The following VPS13A variants were observed in gnomAD, a reference collection of about 807,000 sequenced individuals.
VPS13A encodes the protein intermembrane lipid transfer protein VPS13A.
In VPS13A, 264 loss-of-function variants were observed where a neutral mutation model predicts 390.9. The ratio of observed to expected loss-of-function variants is 0.68; its 90% CI spans 0.61 to 0.75. VPS13A has a LOEUF of 0.75. VPS13A is among the 30% of genes least tolerant of loss of function. The pLI, the probability that VPS13A is intolerant of heterozygous loss-of-function variation, is 0.00. For synonymous variants in VPS13A, 1,231 were observed against 1,227.1 expected, an observed-to-expected ratio of 1.00 and a Z score of -0.07; for missense variants, 3,409 against 3,733.9, an observed-to-expected ratio of 0.91 and a Z score of 2.27.
At chr9:77,367,958 G>T in intron 61 of VPS13A, 97 bp from the exon 62 acceptor site, 2 of 1,153,916 alleles carry the variant, frequency 1.7e-6, no homozygotes, top group Non-Finnish European at 2.5e-6. Flanking sequence ...GGAAAGGTTT[G>T]GAGAAAAGAT....
intron 67 of VPS13A, among the ~76,000 whole-genome samples, chr9:77,371,922 A>G (rs1298585184): frequency 7.1e-6 from 1 of 141,486 alleles, no homozygotes; most frequent in Non-Finnish European, 1.5e-5. Context: ...TGTTCTTGCG[A>G]TAGTTTACTG....
intron 52 of VPS13A, among the ~76,000 whole-genome samples, chr9:77,347,673 A>G (rs1039786032): frequency 2.8e-4 from 43 of 152,080 alleles, no homozygotes; most frequent in African/African-American, 7.2e-4. Context: ...CTATCTCTAT[A>G]TATCTAGTCT....
rs1825709188 is a variant in VPS13A at position 77,207,238 on chromosome 9, TA to T, written c.385+1160del. ...TTATATATATATATATATATATATA[TA>T]TATATATATATATAAAACGTGTTAT... On this transcript the variant is annotated intron_variant, in intron 5 of 71. Coordinates refer to ENST00000360280, the MANE Select transcript of VPS13A (RefSeq NM_033305.3). Among the ~76,000 whole-genome samples, 2 of 81,420 alleles carry T rather than the reference TA, an allele frequency of 2.5e-5. 1 individual carries two copies. Among genetic ancestry groups the T allele is most frequent in the African/African-American group, 7.1e-5 (2 of 28,072 alleles). The allele number at this position is 81,420 out of a possible 152,430, so 53.4% of individuals were successfully genotyped here.
intron 22 of VPS13A, among the ~76,000 whole-genome samples, chr9:77,256,057 T>C (rs1343994513): frequency 6.6e-6 from 1 of 152,112 alleles, no homozygotes; most frequent in Non-Finnish European, 1.5e-5. Context: ...TGCTGTTCTT[T>C]TTCTAGTTCC....
intron 68 of VPS13A, among the ~76,000 whole-genome samples, chr9:77,384,164 T>C (rs571652897): frequency 6.6e-6 from 1 of 151,874 alleles, no homozygotes; most frequent in South Asian, 2.1e-4. Flanking sequence ...CATGTTATTT[T>C]CTTATTTTCT....
chr9:77,227,583 T>A, intron 16 of VPS13A, 98 bp downstream of exon 16: 1 of 921,850 alleles, frequency 1.1e-6, no homozygotes, highest in Non-Finnish European at 1.7e-6. Flanking sequence ...ACTGCAGTGG[T>A]GTGATCTCTG....
chr9:77,390,714 T>C (rs1159558159), intron 68 of VPS13A, among the ~76,000 whole-genome samples: 1 of 144,626 alleles, frequency 6.9e-6, no homozygotes, highest in African/African-American at 2.6e-5. Context: ...GGTCTCACTC[T>C]CTCGCCCAAG....
At chr9:77,405,065 TAAG>T (rs1421385166) in intron 69 of VPS13A, among the ~76,000 whole-genome samples, 3 of 152,076 alleles carry the variant, frequency 2.0e-5, no homozygotes, top group South Asian at 2.1e-4. Context: ...AAAGAAAAAT[TAAG>T]AAGAAAGACA....
chr9:77,369,255 G>T (rs1300427345), intron 62 of VPS13A, 44 bp from the exon 63 acceptor site: 1 of 1,432,606 alleles, frequency 7.0e-7, no homozygotes. Context: ...AGAAAAAATA[G>T]ATCTAATTAT....
chr9:77,400,221 AGAT>A (rs1284690108), intron 68 of VPS13A, among the ~76,000 whole-genome samples: 2 of 102,374 alleles, frequency 2.0e-5, no homozygotes, highest in African/African-American at 9.7e-5. Context: ...TTTATCAGTC[AGAT>A]TTTTTTTTTT....
At chr9:77,377,523 T>C (rs753395099) in intron 67 of VPS13A, among the ~76,000 whole-genome samples, 1 of 152,182 alleles carries the variant, frequency 6.6e-6, no homozygotes, top group Non-Finnish European at 1.5e-5. Context: ...TTCTTAATTT[T>C]ATTGTTGGAT....
intron 19 of VPS13A, among the ~76,000 whole-genome samples, chr9:77,239,244 G>A (rs1380197166): frequency 1.3e-5 from 2 of 151,964 alleles, no homozygotes; most frequent in Admixed American, 6.6e-5. Flanking sequence ...TTGGGAAGCC[G>A]AGGCGGGTGG....
At chr9:77,265,165 A>G (rs1333140729) in intron 23 of VPS13A, among the ~76,000 whole-genome samples, 2 of 152,196 alleles carry the variant, frequency 1.3e-5, no homozygotes, top group African/African-American at 4.8e-5. Flanking sequence ...TGTGATGGAT[A>G]AGCTTTTTGA....
chr9:77,412,954 AACAG>A (rs1223751852), intron 71 of VPS13A, among the ~76,000 whole-genome samples: 10 of 152,136 alleles, frequency 6.6e-5, no homozygotes, highest in South Asian at 6.2e-4. Flanking sequence ...ATACACCAAT[AACAG>A]ACAGAGAGCC....
chr9:77,406,977 A>G (rs2131657648), intron 70 of VPS13A, among the ~76,000 whole-genome samples: 1 of 152,298 alleles, frequency 6.6e-6, no homozygotes, highest in Admixed American at 6.5e-5. Context: ...CCAACGGAGC[A>G]TAAATAGTGG....
chr9:77,360,481 T>C, intron 58 of VPS13A, 55 bp from the exon 59 acceptor site: 1 of 1,292,426 alleles, frequency 7.7e-7, no homozygotes, highest in Non-Finnish European at 1.1e-6. Flanking sequence ...CTAATTTTTG[T>C]AATACAGTTG....
At chr9:77,266,458 C>T (rs1471838003) in intron 23 of VPS13A, among the ~76,000 whole-genome samples, 1 of 151,856 alleles carries the variant, frequency 6.6e-6, no homozygotes, top group African/African-American at 2.4e-5. Context: ...TAAGAACTTG[C>T]TTTATTCTTT....
intron 71 of VPS13A, among the ~76,000 whole-genome samples, chr9:77,407,855 T>TAAC (rs1834699522): frequency 6.6e-6 from 1 of 152,144 alleles, no homozygotes. Context: ...TTTTAAATGC[T>TAAC]AACTCTAATT....
At position 77,177,691 on chromosome 9, in the gene VPS13A, C is replaced by A. The variant is rs1823717265; in HGVS notation, c.-14C>A. 6.2e-7 allele frequency: 1 copy of A among 1,612,374 alleles called. No individual in the cohort carries two copies. Among genetic ancestry groups the A allele is most frequent in the Non-Finnish European group, 8.5e-7 (1 of 1,179,186 alleles). ...CGCACGGGCCGGCTGCCGTGCCCAC[C>A]ACGGCTGAGGAACATGGTTTTCGAG... is the stretch of plus-strand genomic sequence containing the variant. On this transcript the variant is annotated 5_prime_UTR_variant, in exon 1 of 72. Transcript: ENST00000360280.
Sources: gnomAD v4.1 joint callset for allele counts (sites outside exome capture counted in the v4.1 genomes callset) on GRCh38, gnomAD v4.1.1 for gene constraint, MANE v1.5 for transcripts, NCBI Gene and HGNC (gene_info 2026-07-23, HGNC 2026-07-21) for gene names.